RBM6: variants seen among roughly 807,000 people sequenced by gnomAD.
The protein encoded by RBM6 is RNA binding motif protein 6.
A neutral mutation model predicts 140.4 loss-of-function variants in RBM6; 23 were observed. That is an observed-to-expected ratio of 0.16 (90% confidence interval 0.12 to 0.23). RBM6 has a LOEUF of 0.23. Ranked by LOEUF, RBM6 falls within the 10% of genes least tolerant of loss-of-function variation. The probability of loss-of-function intolerance (pLI) is 1.00; values close to 1 mark genes in which losing one functional copy is unlikely to be tolerated. For missense variants in RBM6, 1,139 were observed against 1,386.7 expected (o/e 0.82, Z 2.84); for synonymous variants, 439 against 475.6 (o/e 0.92, Z 1.00).
chr3:49,980,341 T>G (rs2085252558), intron 5 of RBM6, among the ~76,000 whole-genome samples: 1 of 151,870 alleles, frequency 6.6e-6, no homozygotes. Flanking sequence ...CATAATGAAG[T>G]TTTTAGAAGT....
chr3:50,074,651 C>G (rs1454173113), intron 19 of RBM6, among the ~76,000 whole-genome samples: 1 of 152,180 alleles, frequency 6.6e-6, no homozygotes, highest in Non-Finnish European at 1.5e-5. Flanking sequence ...GAGCTCTCTT[C>G]AATGTTCTAT....
chr3:50,018,581 GTTTTTTTTTT>G (rs58115280), intron 6 of RBM6, among the ~76,000 whole-genome samples: 4 of 63,510 alleles, frequency 6.3e-5, no homozygotes, highest in Non-Finnish European at 8.3e-5. Context: ...GTAGGAGTGT[GTTTTTTTTTT>G]TTTTTTTTTT....
intron 20 of RBM6, 33 bp from the exon 21 acceptor site, chr3:50,076,975 G>T (rs2090482247): frequency 1.3e-6 from 2 of 1,591,068 alleles, no homozygotes; most frequent in East Asian, 4.5e-5. Flanking sequence ...TTAATCTATA[G>T]GGCCCACTTC....
intron 16 of RBM6, 128 bp from the exon 17 acceptor site, chr3:50,066,114 C>T: frequency 9.8e-7 from 1 of 1,018,988 alleles, no homozygotes. Flanking sequence ...GGGAAATGAG[C>T]AGCATGGCTA....
chr3:50,010,900 CAA>C (rs776065398), intron 6 of RBM6, among the ~76,000 whole-genome samples: 1 of 52,230 alleles, frequency 1.9e-5, no homozygotes, highest in Non-Finnish European at 3.1e-5. Context: ...AAGACTGTCT[CAA>C]AAAAAAAAAA....
intron 6 of RBM6, among the ~76,000 whole-genome samples, chr3:50,013,793 G>C (rs2086977195): frequency 6.6e-6 from 1 of 152,206 alleles, no homozygotes; most frequent in Admixed American, 6.5e-5. Flanking sequence ...AAACTTTCCT[G>C]AGTGGCCTTA....
At chr3:49,984,747 C>T (rs1044904811) in intron 5 of RBM6, among the ~76,000 whole-genome samples, 14 of 152,264 alleles carry the variant, frequency 9.2e-5, no homozygotes, top group Non-Finnish European at 1.9e-4. Context: ...GACAAGGACA[C>T]GGCCCTGAGC....
At chr3:50,037,209 G>A (rs1033740521) in intron 6 of RBM6, among the ~76,000 whole-genome samples, 2 of 152,066 alleles carry the variant, frequency 1.3e-5, no homozygotes, top group Non-Finnish European at 2.9e-5. Context: ...AGACCAGCCG[G>A]GGCATCATAG....
At chr3:50,076,882 TAAAAA>T in intron 20 of RBM6, 121 bp from the exon 21 acceptor site, 3 of 778,306 alleles carry the variant, frequency 3.9e-6, no homozygotes, top group Non-Finnish European at 5.3e-6. Flanking sequence ...TGACTCCATC[TAAAAA>T]AAAAAAAAAA....
intron 8 of RBM6, among the ~76,000 whole-genome samples, chr3:50,054,884 C>T (rs1053530515): frequency 1.3e-5 from 2 of 152,034 alleles, no homozygotes; most frequent in African/African-American, 4.8e-5. Context: ...AGTGCAGTGG[C>T]GCAATCTCGG....
chr3:49,989,535 C>CA (rs1393456660), intron 5 of RBM6, among the ~76,000 whole-genome samples: 3 of 152,092 alleles, frequency 2.0e-5, no homozygotes, highest in Non-Finnish European at 4.4e-5. Context: ...TGTGCCATTG[C>CA]ACTCTAGCCT....
intron 5 of RBM6, among the ~76,000 whole-genome samples, chr3:49,982,272 T>A (rs1020223527): frequency 1.4e-5 from 2 of 143,670 alleles, no homozygotes; most frequent in African/African-American, 5.2e-5. Context: ...CTTTTTTTTT[T>A]TTTTTTTTTT....
Position 50,065,092 on chromosome 3 carries a change from C to G in RBM6, c.2648C>G (p.Pro883Arg). 1 of 1,613,738 alleles carries G rather than the reference C, an allele frequency of 6.2e-7. No individual in the cohort carries two copies. The highest frequency in any genetic ancestry group is 8.5e-7 in the Non-Finnish European group (1 of 1,179,706). Residue 883 changes from proline (P) to arginine (R), a missense_variant, in exon 16 of 21, where the codon CCT becomes CGT. Transcript: ENST00000266022. ...PAEDVFKKPL[P>R]PTVKKEESPP... ...GAAGACGTCTTTAAGAAGCCCCTGC[C>G]TCCTACTGTGAAGAAGGAAGAGAGT...
At chr3:50,035,913 CCAT>C (rs2088510934) in intron 6 of RBM6, among the ~76,000 whole-genome samples, 1 of 151,922 alleles carries the variant, frequency 6.6e-6, no homozygotes, top group Non-Finnish European at 1.5e-5. Flanking sequence ...GTGCCCACCA[CCAT>C]GTCTGGCTAA....
At chr3:50,058,650 T>A in intron 10 of RBM6, 88 bp downstream of exon 10, 2 of 1,395,680 alleles carry the variant, frequency 1.4e-6, no homozygotes, top group Non-Finnish European at 2.0e-6. Context: ...CCTGGTGGCT[T>A]ACGCCTGTAA....
chr3:49,962,150 T>TAA (rs66697775), intron 1 of RBM6, among the ~76,000 whole-genome samples: 1,176 of 112,438 alleles, frequency 0.01, 18 homozygotes, highest in African/African-American at 0.037. Context: ...CTCCATCTCT[T>TAA]AAAAAAAAAA....
chr3:49,959,314 G>A (rs1328639319), intron 1 of RBM6, among the ~76,000 whole-genome samples: 3 of 143,998 alleles, frequency 2.1e-5, no homozygotes, highest in African/African-American at 7.7e-5. Context: ...TCAGCCTCGT[G>A]AGTAGCTGGG....
chr3:50,012,127 C>T (rs2086877648), intron 6 of RBM6, among the ~76,000 whole-genome samples: 1 of 152,194 alleles, frequency 6.6e-6, no homozygotes, highest in African/African-American at 2.4e-5. Context: ...GCTGGGATTA[C>T]AGGTGTGAAC....
At chr3:49,989,489 C>T (rs1208061461) in intron 5 of RBM6, among the ~76,000 whole-genome samples, 5 of 152,100 alleles carry the variant, frequency 3.3e-5, no homozygotes, top group Admixed American at 2.6e-4. Context: ...GTAGGAGAAT[C>T]GCTTGAACCC....
Sources: gnomAD v4.1 joint callset for allele counts (sites outside exome capture counted in the v4.1 genomes callset) on GRCh38, gnomAD v4.1.1 for gene constraint, MANE v1.5 for transcripts, NCBI Gene and HGNC (gene_info 2026-07-23, HGNC 2026-07-21) for gene names.